The following GALNT3 variants were observed in gnomAD, a reference collection of about 807,000 sequenced individuals.
GALNT3 encodes the protein polypeptide N-acetylgalactosaminyltransferase 3, also known as GalNAc transferase 3.
A neutral mutation model predicts 69.8 loss-of-function variants in GALNT3; 51 were observed. The observed-to-expected ratio is 0.73, with a 90% CI of 0.58 to 0.92. The LOEUF is 0.92. GALNT3 is among the 40% of genes least tolerant of loss of function. The pLI is 0.00. For missense variants in GALNT3, 711 were observed against 760.0 expected (o/e 0.94, Z 0.76); for synonymous variants, 265 against 248.5 (o/e 1.07, Z -0.63).
intron 9 of GALNT3, among the ~76,000 whole-genome samples, chr2:165,754,259 T>C (rs1454520053): frequency 6.6e-6 from 1 of 151,796 alleles, no homozygotes; most frequent in African/African-American, 2.4e-5. Flanking sequence ...CCGACAAATT[T>C]TTGTATTTTT....
In GALNT3 at chr2:165,770,686, C is replaced by T; in HGVS notation, c.15G>A (p.Lys5=). The T allele has an allele frequency of 1.2e-6, 2 of 1,604,152 alleles. No individual in the cohort carries two copies. Among genetic ancestry groups the T allele is most frequent in the Admixed American group, 1.7e-5 (1 of 59,872 alleles). Residue 5 remains lysine, a synonymous_variant, in exon 2 of 11, where the codon AAG becomes AAA. Coordinates refer to ENST00000392701, the MANE Select transcript of GALNT3 (RefSeq NM_004482.4). ...TTTTAATGTGTAATTTTACTAGTCG[C>T]TTTAGGTGAGCCATTCTGACATTAA... MAHL[K]RLVKLHIKRH...
At chr2:165,762,585 G>T (rs926020519) in intron 3 of GALNT3, among the ~76,000 whole-genome samples, 1 of 152,174 alleles carries the variant, frequency 6.6e-6, no homozygotes, top group Non-Finnish European at 1.5e-5. Context: ...AGTTTGGGAC[G>T]ATTCCTACAC....
In GALNT3 at chr2:165,762,055, C is replaced by G. The variant is rs370770746; in HGVS notation, c.689-1G>C. 3.3e-6 allele frequency: 5 copies of G among 1,532,008 alleles called. No individual in the cohort carries two copies. The highest frequency in any genetic ancestry group is 1.1e-5 in the South Asian group (1 of 89,140). The allele number at this position is 1,532,008 out of a possible 1,614,324, so 94.9% of individuals were successfully genotyped here. A position where few individuals can be genotyped will look rare whatever the true frequency, so the allele number is the denominator to read the frequency against. ...TCATCTAGTTTATCATGTAAGTACT[C>G]TGTAAGGAAAAAAAATCAGGGTTAA... On this transcript the variant is annotated splice_acceptor_variant, in intron 3 of 10. Transcript: ENST00000392701. LOFTEE classifies it high-confidence loss of function.
chr2:165,791,256 T>TGA (rs1491127994), intron 1 of GALNT3, among the ~76,000 whole-genome samples: 12 of 68,828 alleles, frequency 1.7e-4, no homozygotes, highest in African/African-American at 6.7e-4. Flanking sequence ...GGTGTGTGCC[T>TGA]GTGTGTGTGT....
At chr2:165,786,281 C>T (rs1253390448) in intron 1 of GALNT3, among the ~76,000 whole-genome samples, 1 of 152,122 alleles carries the variant, frequency 6.6e-6, no homozygotes, top group East Asian at 1.9e-4. Flanking sequence ...TTTTAGGCAA[C>T]AGGACTGGGG....
chr2:165,752,944 A>G (rs1688379685), intron 9 of GALNT3, among the ~76,000 whole-genome samples: 1 of 152,184 alleles, frequency 6.6e-6, no homozygotes, highest in African/African-American at 2.4e-5. Flanking sequence ...GTATATAGAT[A>G]TAGGTATAGA....
intron 9 of GALNT3, among the ~76,000 whole-genome samples, chr2:165,752,122 C>A (rs1471716240): frequency 2.6e-5 from 4 of 151,990 alleles, no homozygotes; most frequent in Non-Finnish European, 5.9e-5. Context: ...AATGCCCCGA[C>A]CTCATTTCCT....
Position 165,749,804 on chromosome 2 carries a change from C to T in GALNT3, c.1717G>A (p.Ala573Thr). The change falls in exon 10 of 11, where the codon GCA (alanine) becomes ACA (threonine). Residue 573 changes from alanine to threonine, a missense_variant. Coordinates refer to ENST00000392701, the MANE Select transcript of GALNT3 (RefSeq NM_004482.4). ...HAAQGLVQLK[A>T]CTYKGHKTVV... is the part of the protein sequence containing the mutation. ...GTCTTGTGACCTTTGTAGGTACATG[C>T]CTTCAGCTGAACGAGACCTTGAGCA... 1 of 1,613,620 alleles carries T rather than the reference C, an allele frequency of 6.2e-7. No homozygotes were observed. The highest frequency in any genetic ancestry group is 1.7e-4 in the Middle Eastern group (1 of 6,058).
At chr2:165,754,068 C>T (rs558352762) in intron 9 of GALNT3, among the ~76,000 whole-genome samples, 27 of 150,892 alleles carry the variant, frequency 1.8e-4, no homozygotes, top group African/African-American at 6.5e-4. Context: ...ATTATTTTCT[C>T]ATTTTCCTTT....
intron 1 of GALNT3, among the ~76,000 whole-genome samples, chr2:165,788,912 T>C (rs1574020376): frequency 1.3e-5 from 2 of 152,136 alleles, no homozygotes; most frequent in East Asian, 1.9e-4. Context: ...GAGAGAGAAT[T>C]TGCATTTCTA....
chr2:165,760,028 A>G (rs970342589), intron 4 of GALNT3, among the ~76,000 whole-genome samples: 3 of 152,230 alleles, frequency 2.0e-5, no homozygotes, highest in African/African-American at 7.2e-5. Flanking sequence ...CACTACAGTT[A>G]GAAAAATTCC....
chr2:165,770,069 T>G (rs1559001579), intron 2 of GALNT3, 117 bp downstream of exon 2: 14 of 1,109,876 alleles, frequency 1.3e-5, no homozygotes, highest in Non-Finnish European at 1.7e-5. Flanking sequence ...AAATAAACAG[T>G]ATTTGCTGAT....
chr2:165,781,624 C>A lies in GALNT3; in HGVS notation c.-108-10816G>T, dbSNP rs190673238. On this transcript the variant is annotated intron_variant, in intron 1 of 10. Transcript: ENST00000392701. ...AAAAAGAAAAAAAAAAAAAGCCTAT[C>A]GAGCATAGTGGCTACTGAATGCCCA... Among the ~76,000 whole-genome samples, 329 of 151,580 alleles carry A rather than the reference C, an allele frequency of 2.2e-3. 3 individuals carry two copies. Among genetic ancestry groups the A allele is most frequent in the Non-Finnish European group, 3.2e-3 (219 of 67,884 alleles).
chr2:165,759,971 T>A (rs1460949633), intron 4 of GALNT3, among the ~76,000 whole-genome samples: 1 of 151,986 alleles, frequency 6.6e-6, no homozygotes, highest in Non-Finnish European at 1.5e-5. Context: ...TTTTTAAAGG[T>A]TTATTGTGAT....
At chr2:165,780,673 GTTGTTT>G in intron 1 of GALNT3, among the ~76,000 whole-genome samples, 1 of 151,158 alleles carries the variant, frequency 6.6e-6, no homozygotes, top group East Asian at 1.9e-4. Flanking sequence ...TGTTGTTGTT[GTTGTTT>G]TTTCTTCTAA....
chr2:165,788,466 GGTGT>G lies in GALNT3; in HGVS notation c.-109+5545_-109+5548del, dbSNP rs148293638. Among the ~76,000 whole-genome samples, 1,389 of 139,556 alleles carry G rather than the reference GGTGT, an allele frequency of 1.0e-2. 8 individuals carry two copies. The highest frequency in any genetic ancestry group is 0.021 in the African/African-American group (791 of 37,598). The allele number at this position is 139,556 out of a possible 152,430, so 91.6% of individuals were successfully genotyped here. A position where few individuals can be genotyped will look rare whatever the true frequency, so the allele number is the denominator to read the frequency against. ...GCATGTTTTGCAAATAATCCAAAAG[GGTGT>G]GTGTGTGTGTGTGTGTGTGTGTGTG... On this transcript the variant is annotated intron_variant, in intron 1 of 10. Coordinates refer to ENST00000392701, the MANE Select transcript of GALNT3 (RefSeq NM_004482.4).
chr2:165,780,310 T>C (rs1212516340), intron 1 of GALNT3, among the ~76,000 whole-genome samples: 6 of 152,186 alleles, frequency 3.9e-5, no homozygotes, highest in Non-Finnish European at 8.8e-5. Context: ...TCTTTCAGGG[T>C]CTTTTCATTT....
At chr2:165,775,302 C>A (rs1272171825) in intron 1 of GALNT3, among the ~76,000 whole-genome samples, 2 of 152,236 alleles carry the variant, frequency 1.3e-5, no homozygotes, top group Admixed American at 1.3e-4. Context: ...AGCTTCCTAT[C>A]ATTGGGTAAT....
At position 165,770,471 on chromosome 2, in the gene GALNT3, A is replaced by C. The variant is rs774336860; in HGVS notation, c.230T>G (p.Met77Arg). 1 of 1,614,220 alleles carries C rather than the reference A, an allele frequency of 6.2e-7. No homozygotes were observed. Among genetic ancestry groups the C allele is most frequent in the South Asian group, 1.1e-5 (1 of 91,084 alleles). ...AGGTGCTCCTATTTGCATTTTTGGC[A>C]TGGCATCCTTAATATTGTTTACAGC... is the stretch of plus-strand genomic sequence containing the variant. Reference protein sequence around the residue: ...LEAVNNIKDAMPKMQIGAPVR... With the variant: ...LEAVNNIKDARPKMQIGAPVR... Residue 77 changes from methionine (M) to arginine (R), a missense_variant, in exon 2 of 11, where the codon ATG (methionine) becomes AGG (arginine). By Grantham distance (91) the Met-to-Arg change is moderately conservative. Transcript: ENST00000392701.
Sources: allele counts gnomAD v4.1 joint callset (sites outside exome capture counted in the v4.1 genomes callset), GRCh38; gene constraint gnomAD v4.1.1; transcripts MANE v1.5; gene names NCBI Gene and HGNC (gene_info 2026-07-23, HGNC 2026-07-21).